Variants in SEC24D observed in about 807,000 individuals in gnomAD.
SEC24D encodes protein transport protein Sec24D.
SEC24D carries 69 observed loss-of-function variants against 116.9 expected under a neutral mutation model. The observed-to-expected ratio is 0.59, with a 90% CI of 0.49 to 0.72. The LOEUF is 0.72. Among genes scored for constraint, SEC24D ranks in the 30% least tolerant of loss-of-function variants. The pLI is 0.00. For synonymous variants in SEC24D, 405 were observed against 442.8 expected, an observed-to-expected ratio of 0.91 and a Z score of 1.07; for missense variants, 1,131 against 1,264.1, an observed-to-expected ratio of 0.89 and a Z score of 1.60.
intron 1 of SEC24D, among the ~76,000 whole-genome samples, chr4:118,835,264 T>C (rs1226133628): frequency 6.6e-6 from 1 of 152,216 alleles, no homozygotes; most frequent in Non-Finnish European, 1.5e-5. Context: ...CCCTCTGAAC[T>C]GGTCCTCAGA....
At chr4:118,741,354 T>C (rs929264667) in intron 15 of SEC24D, among the ~76,000 whole-genome samples, 5 of 152,202 alleles carry the variant, frequency 3.3e-5, no homozygotes, top group African/African-American at 1.2e-4. Context: ...GAGACAAGGT[T>C]AAGACCCAAT....
intron 10 of SEC24D, among the ~76,000 whole-genome samples, chr4:118,761,676 G>A (rs1269322458): frequency 6.6e-6 from 1 of 152,182 alleles, no homozygotes; most frequent in Non-Finnish European, 1.5e-5. Context: ...GAGGGAAGGG[G>A]GAATATACTC....
At chr4:118,764,197 T>A (rs1387448792) in intron 10 of SEC24D, among the ~76,000 whole-genome samples, 1 of 152,198 alleles carries the variant, frequency 6.6e-6, no homozygotes, top group African/African-American at 2.4e-5. Flanking sequence ...CAAAGAAAGC[T>A]AAATTTTTTT....
intron 8 of SEC24D, among the ~76,000 whole-genome samples, chr4:118,788,120 T>A (rs1728734598): frequency 6.6e-6 from 1 of 152,188 alleles, no homozygotes; most frequent in Non-Finnish European, 1.5e-5. Flanking sequence ...TGCCTGGCCA[T>A]GTGTTTCTTT....
chr4:118,744,105 C>T lies in SEC24D; in HGVS notation c.1878G>A (p.Val626=). Residue 626 remains valine (V), a synonymous_variant, in exon 15 of 23, where the codon GTG becomes GTA. Transcript: ENST00000280551. The stretch of plus-strand genomic sequence containing the variant: ...AGAGTGTCACAGAGCAGCCGTGAGC[C>T]ACGCAGTCCTTGGCCAATGAGTCAT... The part of the protein sequence containing the change: ...NVYDSLAKDC[V]AHGCSVTLFL... 8.1e-6 allele frequency: 13 copies of T among 1,613,142 alleles called. No individual in the cohort carries two copies. The highest frequency in any genetic ancestry group is 1.1e-5 in the Non-Finnish European group (13 of 1,179,482).
intron 7 of SEC24D, among the ~76,000 whole-genome samples, chr4:118,804,943 C>A (rs2110513197): frequency 6.9e-6 from 1 of 145,934 alleles, no homozygotes; most frequent in South Asian, 2.2e-4. Context: ...GACTCATGTA[C>A]ACAGTCACCT....
chr4:118,737,650 CAA>C (rs1726029913), intron 19 of SEC24D, among the ~76,000 whole-genome samples: 1 of 152,044 alleles, frequency 6.6e-6, no homozygotes, highest in Non-Finnish European at 1.5e-5. Flanking sequence ...AGAATGTGAA[CAA>C]GAGAGCAAAT....
intron 2 of SEC24D, among the ~76,000 whole-genome samples, chr4:118,825,121 G>A (rs2110536034): frequency 6.6e-6 from 1 of 152,324 alleles, no homozygotes; most frequent in Admixed American, 6.5e-5. Flanking sequence ...GGAAAAAGCA[G>A]GAAGGGTCAT....
At chr4:118,804,369 T>G (rs2110512585) in intron 7 of SEC24D, among the ~76,000 whole-genome samples, 1 of 152,122 alleles carries the variant, frequency 6.6e-6, no homozygotes, top group Admixed American at 6.5e-5. Flanking sequence ...ATCAGAGGCA[T>G]GAGGAGAAAG....
chr4:118,801,194 G>T (rs557888272), intron 7 of SEC24D, among the ~76,000 whole-genome samples: 2 of 151,710 alleles, frequency 1.3e-5, no homozygotes, highest in African/African-American at 4.9e-5. Context: ...CCTGGGAGGC[G>T]GAGCTTGCAG....
At chr4:118,742,539 G>GA (rs2110443565) in intron 15 of SEC24D, among the ~76,000 whole-genome samples, 1 of 152,238 alleles carries the variant, frequency 6.6e-6, no homozygotes, top group South Asian at 2.1e-4. Flanking sequence ...GAGTGTATCT[G>GA]AAAAAACATA....
intron 8 of SEC24D, among the ~76,000 whole-genome samples, chr4:118,781,636 T>G (rs1728417722): frequency 6.6e-6 from 1 of 152,320 alleles, no homozygotes; most frequent in African/African-American, 2.4e-5. Context: ...TGTTAGCCTG[T>G]CTTGCTAGGT....
At chr4:118,814,015 A>G (rs916970129) in intron 6 of SEC24D, among the ~76,000 whole-genome samples, 3 of 152,246 alleles carry the variant, frequency 2.0e-5, no homozygotes, top group Non-Finnish European at 4.4e-5. Context: ...GCAGTTGGTT[A>G]CACAGCATAA....
At chr4:118,764,607 C>T in intron 10 of SEC24D, 195 bp downstream of exon 10, 3 of 467,600 alleles carry the variant, frequency 6.4e-6, no homozygotes, top group East Asian at 3.4e-5. Context: ...AAAATAATTC[C>T]TCCAGTAGAT....
At chr4:118,746,408 A>G (rs1160110489) in intron 13 of SEC24D, among the ~76,000 whole-genome samples, 1 of 152,080 alleles carries the variant, frequency 6.6e-6, no homozygotes, top group Admixed American at 6.6e-5. Context: ...AACACTCACA[A>G]CCTTGTTCAG....
At chr4:118,772,647 C>A (rs528518790) in intron 8 of SEC24D, among the ~76,000 whole-genome samples, 7 of 152,206 alleles carry the variant, frequency 4.6e-5, no homozygotes, top group Non-Finnish European at 2.9e-5. Context: ...GCCTGTGAAG[C>A]AAAGAGAACA....
chr4:118,753,218 C>A (rs923507910), intron 11 of SEC24D, among the ~76,000 whole-genome samples: 9 of 152,094 alleles, frequency 5.9e-5, no homozygotes, highest in African/African-American at 1.9e-4. Flanking sequence ...AGGCTTCTTA[C>A]ATTCCTTATA....
intron 12 of SEC24D, 124 bp from the exon 13 acceptor site, chr4:118,752,213 G>A: frequency 1.6e-6 from 1 of 625,782 alleles, no homozygotes; most frequent in African/African-American, 1.9e-5. Context: ...AACACCTATA[G>A]GTAATTTTTC....
intron 14 of SEC24D, among the ~76,000 whole-genome samples, chr4:118,744,616 C>T (rs900134691): frequency 3.9e-5 from 6 of 152,216 alleles, no homozygotes; most frequent in African/African-American, 1.2e-4. Flanking sequence ...CAGGCCTCTG[C>T]CGCCAAGGGA....
Sources: allele counts gnomAD v4.1 joint callset (sites outside exome capture counted in the v4.1 genomes callset), GRCh38; gene constraint gnomAD v4.1.1; transcripts MANE v1.5; gene names NCBI Gene and HGNC (gene_info 2026-07-23, HGNC 2026-07-21).